SEC23A: variants seen among roughly 807,000 people sequenced by gnomAD.
SEC23A encodes the protein SEC23 homolog A, COPII component.
A neutral mutation model predicts 103.7 loss-of-function variants in SEC23A; 56 were observed. That is an observed-to-expected ratio of 0.54 (90% CI 0.44 to 0.67). The LOEUF (loss-of-function observed/expected upper bound fraction) is 0.67. Ranked by LOEUF, SEC23A falls within the 30% of genes least tolerant of loss-of-function variation. The pLI is 0.00. For synonymous variants in SEC23A, 281 were observed against 293.0 expected, an observed-to-expected ratio of 0.96 and a Z score of 0.42; for missense variants, 784 against 936.4, an observed-to-expected ratio of 0.84 and a Z score of 2.12.
intron 14 of SEC23A, among the ~76,000 whole-genome samples, chr14:39,049,294 G>A (rs1395812631): frequency 2.0e-5 from 3 of 151,970 alleles, no homozygotes; most frequent in African/African-American, 4.8e-5. Context: ...TGGCCAACAT[G>A]GTGAAACCGC....
rs1566515093 is a variant in SEC23A, at chr14:39,094,424, ATATATATATATATATATATTTTT to A, written c.222-1203_222-1181del. Among the ~76,000 whole-genome samples the A allele has an allele frequency of 2.4e-3, 139 of 58,596 alleles. 25 individuals carry two copies. Among genetic ancestry groups the A allele is most frequent in the African/African-American group, 0.017 (130 of 7,850 alleles). 38.4% of individuals were successfully genotyped at this position (58,596 alleles called of 152,430 possible). A position where few individuals can be genotyped will look rare whatever the true frequency, so the allele number is the denominator to read the frequency against. The stretch of plus-strand genomic sequence containing the variant: ...TATATATATATATATATATATATAT[ATATATATATATATATATATTTTT>A]TTTTTTTTTTTTTCCCCTCCTGTAG... On this transcript the variant is annotated intron_variant, in intron 2 of 19. Transcript: ENST00000307712.
intron 13 of SEC23A, among the ~76,000 whole-genome samples, chr14:39,056,524 G>A (rs376390246): frequency 6.6e-6 from 1 of 151,272 alleles, no homozygotes; most frequent in Non-Finnish European, 1.5e-5. Flanking sequence ...ACCCAGGCTG[G>A]AGTGCAGTGG....
intron 2 of SEC23A, chr14:39,094,892 A>T: frequency 7.7e-6 from 5 of 647,506 alleles, no homozygotes; most frequent in Non-Finnish European, 8.2e-6. Flanking sequence ...TAGATCATAC[A>T]AGGCTTTATA....
chr14:39,067,153 T>C lies in SEC23A; in HGVS notation c.1227+20A>G, dbSNP rs758829180. 1.2e-6 allele frequency: 2 copies of C among 1,613,594 alleles called. No homozygotes were observed. The highest frequency in any genetic ancestry group is 1.3e-5 in the African/African-American group (1 of 75,038). The stretch of plus-strand genomic sequence containing the variant: ...TTGTCTTTTGATAACATATCGCACA[T>C]GTCAAGTTTTGGTTCTTACCTTTAT... On this transcript the variant is annotated intron_variant, in intron 10 of 19. Transcript: ENST00000307712.
intron 9 of SEC23A, among the ~76,000 whole-genome samples, chr14:39,068,042 T>C (rs1886732520): frequency 6.6e-6 from 1 of 152,190 alleles, no homozygotes; most frequent in Non-Finnish European, 1.5e-5. Flanking sequence ...GAAATATACA[T>C]GTTATACCAA....
intron 14 of SEC23A, among the ~76,000 whole-genome samples, chr14:39,051,657 T>G (rs1442958945): frequency 6.6e-6 from 1 of 152,104 alleles, no homozygotes; most frequent in Non-Finnish European, 1.5e-5. Flanking sequence ...TGAAATACTA[T>G]GCAGCCATAA....
At chr14:39,041,649 C>G (rs1437952091) in intron 17 of SEC23A, among the ~76,000 whole-genome samples, 1 of 151,902 alleles carries the variant, frequency 6.6e-6, no homozygotes, top group Admixed American at 6.6e-5. Context: ...ACGGGCGGAT[C>G]ACCCGAGGTC....
intron 11 of SEC23A, 148 bp from the exon 12 acceptor site, chr14:39,063,561 AC>A: frequency 1.8e-6 from 1 of 552,490 alleles, no homozygotes; most frequent in Non-Finnish European, 3.2e-6. Flanking sequence ...ATATTTTAAG[AC>A]CATAAGTATA....
Position 39,086,934 on chromosome 14 carries a change from GGAA to G in SEC23A, c.675_677del (p.Ser226del). Reference sequence around the variant, plus strand: ...CTCTTCATCATATTTATTACCTGTTGGAAGGAGGTGGCTGCTGTACCTGAGGAC... The same window carrying G: ...CTCTTCATCATATTTATTACCTGTTGGGAGGTGGCTGCTGTACCTGAGGAC... On this transcript the variant is annotated inframe_deletion, in exon 6 of 20. Transcript: ENST00000307712. The G allele has an allele frequency of 1.9e-6, 3 of 1,575,776 alleles. No individual in the cohort carries two copies. Among genetic ancestry groups the G allele is most frequent in the Non-Finnish European group, 2.6e-6 (3 of 1,145,046 alleles).
intron 13 of SEC23A, among the ~76,000 whole-genome samples, chr14:39,056,053 C>G (rs1359693978): frequency 3.3e-5 from 5 of 152,222 alleles, no homozygotes; most frequent in Non-Finnish European, 7.3e-5. Context: ...CACACATAAG[C>G]CTGAGTTATG....
chr14:39,056,411 G>C (rs1374235803), intron 13 of SEC23A, among the ~76,000 whole-genome samples: 1 of 152,048 alleles, frequency 6.6e-6, no homozygotes, highest in Non-Finnish European at 1.5e-5. Context: ...GGAATAACAG[G>C]CGTGAGCCAC....
At chr14:39,098,369 C>T (rs1437851260) in intron 1 of SEC23A, among the ~76,000 whole-genome samples, 1 of 152,060 alleles carries the variant, frequency 6.6e-6, no homozygotes, top group Non-Finnish European at 1.5e-5. Flanking sequence ...AAACCTCTTC[C>T]ACATTTATTA....
At chr14:39,060,210 A>G (rs565844430) in intron 13 of SEC23A, among the ~76,000 whole-genome samples, 2 of 152,264 alleles carry the variant, frequency 1.3e-5, no homozygotes, top group South Asian at 4.1e-4. Context: ...ATCTAAGGGA[A>G]GGTTCAGCTG....
rs144709558 is a variant in SEC23A, at chr14:39,077,400, G to A, written c.829-1307C>T. ...CTACTAAAAATACAAAAAATTAGCCGGGCATGGTGGCGGGCGCCTGTAATT... is the reference window on the plus strand; with the variant it reads ...CTACTAAAAATACAAAAAATTAGCCAGGCATGGTGGCGGGCGCCTGTAATT... On this transcript the variant is annotated intron_variant, in intron 7 of 19. Coordinates refer to ENST00000307712, the MANE Select transcript of SEC23A (RefSeq NM_006364.4). 1.2e-4 allele frequency among the ~76,000 whole-genome samples: 18 copies of A among 151,808 alleles called. 1 individual carries two copies. Among genetic ancestry groups the A allele is most frequent in the East Asian group, 1.2e-3 (6 of 5,164 alleles).
chr14:39,036,255 G>A (rs567242733), intron 19 of SEC23A, among the ~76,000 whole-genome samples: 17 of 143,140 alleles, frequency 1.2e-4, no homozygotes, highest in Admixed American at 8.2e-4. Context: ...CCAGGAGGCA[G>A]AGGTTGCAGC....
intron 5 of SEC23A, chr14:39,088,715 AGAGC>A (rs1380400213): frequency 6.6e-6 from 1 of 151,906 alleles, no homozygotes; most frequent in Non-Finnish European, 1.5e-5. Flanking sequence ...CCCGGGTGAC[AGAGC>A]GAGACTCTGT....
intron 7 of SEC23A, among the ~76,000 whole-genome samples, chr14:39,082,486 A>G (rs577037557): frequency 6.6e-6 from 1 of 152,308 alleles, no homozygotes; most frequent in South Asian, 2.1e-4. Flanking sequence ...CTAATAAGAT[A>G]TTTATAATTA....
At chr14:39,088,158 G>A (rs1172539080) in intron 5 of SEC23A, 1 of 152,236 alleles carries the variant, frequency 6.6e-6, no homozygotes, top group Admixed American at 6.5e-5. Flanking sequence ...TTGAATCCAG[G>A]ACTATCTGGG....
At chr14:39,060,301 C>T (rs1226701918) in intron 13 of SEC23A, among the ~76,000 whole-genome samples, 2 of 152,144 alleles carry the variant, frequency 1.3e-5, no homozygotes, top group Non-Finnish European at 2.9e-5. Context: ...CAGAACAGAA[C>T]ACTAAATCTA....
Sources: gnomAD v4.1 joint callset for allele counts (sites outside exome capture counted in the v4.1 genomes callset) on GRCh38, gnomAD v4.1.1 for gene constraint, MANE v1.5 for transcripts, NCBI Gene and HGNC (gene_info 2026-07-23, HGNC 2026-07-21) for gene names.